Variants in DNAH9 observed in about 807,000 individuals in gnomAD.
The protein encoded by DNAH9 is dynein axonemal heavy chain 9.
DNAH9 carries 345 observed loss-of-function variants against 471.6 expected under a neutral mutation model. The ratio of observed to expected loss-of-function variants is 0.73; its 90% CI spans 0.67 to 0.80. DNAH9 has a LOEUF of 0.80. Among genes scored for constraint, DNAH9 ranks in the 30% least tolerant of loss-of-function variants. The probability of loss-of-function intolerance (pLI) is 0.00; values close to 1 mark genes in which losing one functional copy is unlikely to be tolerated. For synonymous variants in DNAH9, 2,093 were observed against 2,123.6 expected, an observed-to-expected ratio of 0.99 and a Z score of 0.40; for missense variants, 5,407 against 5,609.2, an observed-to-expected ratio of 0.96 and a Z score of 1.15.
At chr17:11,901,182 A>C (rs1484053191) in intron 59 of DNAH9, among the ~76,000 whole-genome samples, 1 of 152,146 alleles carries the variant, frequency 6.6e-6, no homozygotes, top group Non-Finnish European at 1.5e-5. Flanking sequence ...TGCCTGGTAC[A>C]ACTTCCCTCC....
chr17:11,790,441 G>A (rs1969024334), intron 41 of DNAH9, among the ~76,000 whole-genome samples: 1 of 151,854 alleles, frequency 6.6e-6, no homozygotes, highest in African/African-American at 2.4e-5. Context: ...CTCTAAAAAC[G>A]ATGTTTGCTT....
rs542637636 is a variant in DNAH9 at position 11,823,697 on chromosome 17, C to T, written c.9246+663C>T. 1.4e-4 allele frequency among the ~76,000 whole-genome samples: 21 copies of T among 152,150 alleles called. No homozygotes were observed. In the East Asian group the frequency reaches 3.3e-3, roughly 24 times the overall value. ...CTGTAATCCCAGCACTGTGGGAGGT[C>T]GAGGCTGGTGGATCACGAGGTCAGG... On this transcript the variant is annotated intron_variant, in intron 48 of 68. Transcript: ENST00000262442.
At chr17:11,613,327 A>T (rs1454317067) in intron 4 of DNAH9, among the ~76,000 whole-genome samples, 6 of 152,178 alleles carry the variant, frequency 3.9e-5, no homozygotes, top group Non-Finnish European at 8.8e-5. Flanking sequence ...TTTTAAAAAA[A>T]ATATGTTAAA....
intron 48 of DNAH9, 104 bp from the exon 49 acceptor site, chr17:11,834,534 C>G: frequency 7.3e-7 from 1 of 1,375,816 alleles, no homozygotes; most frequent in Non-Finnish European, 1.0e-6. Flanking sequence ...TTCTGCTCCA[C>G]AGAGTTGGGT....
Position 11,850,196 on chromosome 17 carries a change from C to T in DNAH9, c.9508-3807C>T, listed in dbSNP as rs188778717. ...GGTGGGAGGAGGCAGAGGTGGTAGG[C>T]CTTCTTAGGAAGGAGACGTCTGAGA... On this transcript the variant is annotated intron_variant, in intron 49 of 68. Coordinates refer to ENST00000262442, the MANE Select transcript of DNAH9 (RefSeq NM_001372.4). Among the ~76,000 whole-genome samples, 20 of 152,214 alleles carry T rather than the reference C, an allele frequency of 1.3e-4. 1 individual carries two copies. The highest frequency in any genetic ancestry group is 6.5e-4 in the Admixed American group (10 of 15,274).
At chr17:11,708,400 G>C (rs1242101145) in intron 26 of DNAH9, among the ~76,000 whole-genome samples, 1 of 152,116 alleles carries the variant, frequency 6.6e-6, no homozygotes, top group Non-Finnish European at 1.5e-5. Context: ...TCTGTGTTTT[G>C]CTCTTAGCTG....
chr17:11,871,740 AG>A lies in DNAH9; in HGVS notation c.10197del (p.Ser3400AlafsTer11). 6.2e-7 allele frequency: 1 copy of A among 1,614,246 alleles called. No individual in the cohort carries two copies. Among genetic ancestry groups the A allele is most frequent in the Non-Finnish European group, 8.5e-7 (1 of 1,180,040 alleles). On this transcript the variant is annotated frameshift_variant, in exon 52 of 69. Coordinates refer to ENST00000262442, the MANE Select transcript of DNAH9 (RefSeq NM_001372.4). LOFTEE classifies it high-confidence loss of function. ...GGCTTCTTCACAAAGAAATACCGGC[AG>A]AGCCTCCTGGACAGAACTTGGAGGC... ...YLGFFTKKYRQSLLDRTWRPY... is the reference protein window; with the variant it reads ...YLGFFTKKYRXSLLDRTWRPY...
rs755920220 is a variant in DNAH9, at chr17:11,894,508, C to T, written c.11406+12C>T. 5 of 1,608,114 alleles carry T rather than the reference C, an allele frequency of 3.1e-6. No homozygotes were observed. The highest frequency in any genetic ancestry group is 1.1e-5 in the South Asian group (1 of 90,958). On this transcript the variant is annotated intron_variant, in intron 59 of 68. Coordinates refer to ENST00000262442, the MANE Select transcript of DNAH9 (RefSeq NM_001372.4). ...GGGGAGCTGTCAAGGTCAGTATTGA[C>T]CCCTAGAAAAAAGCCAAGCTCTCAT...
intron 27 of DNAH9, among the ~76,000 whole-genome samples, chr17:11,727,284 C>G (rs1302037896): frequency 6.6e-6 from 1 of 152,048 alleles, no homozygotes; most frequent in Non-Finnish European, 1.5e-5. Flanking sequence ...CTTCCCTGCT[C>G]TCATTTGAAA....
rs200475331 is a variant in DNAH9 at position 11,951,922 on chromosome 17, CAA to C, written c.12843+9453_12843+9454del. Among the ~76,000 whole-genome samples the C allele has an allele frequency of 2.0e-3, 223 of 109,190 alleles. 1 individual carries two copies. The highest frequency in any genetic ancestry group is 2.6e-3 in the Non-Finnish European group (134 of 52,212). The allele number at this position is 109,190 out of a possible 152,430, so 71.6% of individuals were successfully genotyped here. A position where few individuals can be genotyped will look rare whatever the true frequency, so the allele number is the denominator to read the frequency against. On this transcript the variant is annotated intron_variant, in intron 67 of 68. Transcript: ENST00000262442. Reference sequence around the variant, plus strand: ...TGGGTGACACAGCAAAACTCCATCTCAAAAAAAAAAAAAAAAATTAATTAAAA... The same window carrying C: ...TGGGTGACACAGCAAAACTCCATCTCAAAAAAAAAAAAAAATTAATTAAAA...
intron 3 of DNAH9, among the ~76,000 whole-genome samples, chr17:11,611,232 C>G (rs1233290488): frequency 6.6e-6 from 1 of 152,230 alleles, no homozygotes. Flanking sequence ...GCCTGTAGGG[C>G]TCCAGCCTTT....
chr17:11,881,856 G>A (rs1972735167), intron 55 of DNAH9, among the ~76,000 whole-genome samples: 1 of 151,902 alleles, frequency 6.6e-6, no homozygotes, highest in Non-Finnish European at 1.5e-5. Context: ...AGGTTGCAGT[G>A]AGCCAAGATC....
chr17:11,629,725 G>C, intron 7 of DNAH9, 141 bp downstream of exon 7: 1 of 664,732 alleles, frequency 1.5e-6, no homozygotes, highest in Non-Finnish European at 2.5e-6. Flanking sequence ...ATTATCCTTT[G>C]TGTTAGGAGA....
intron 34 of DNAH9, 118 bp from the exon 35 acceptor site, chr17:11,757,427 C>T: frequency 1.0e-6 from 1 of 988,804 alleles, no homozygotes; most frequent in African/African-American, 1.6e-5. Context: ...GCCAAATCTC[C>T]TTTTCTTTTC....
chr17:11,850,355 G>A (rs1193497512), intron 49 of DNAH9, among the ~76,000 whole-genome samples: 1 of 152,164 alleles, frequency 6.6e-6, no homozygotes, highest in Non-Finnish European at 1.5e-5. Context: ...CTTCTGAGAA[G>A]TGTTTCTCCC....
chr17:11,915,682 A>C (rs1973928228), intron 61 of DNAH9, among the ~76,000 whole-genome samples: 1 of 152,168 alleles, frequency 6.6e-6, no homozygotes, highest in South Asian at 2.1e-4. Flanking sequence ...TTCCTAACCT[A>C]GGACATTGGC....
intron 5 of DNAH9, among the ~76,000 whole-genome samples, 179 bp from the exon 6 acceptor site, chr17:11,619,369 A>C (rs2072807410): frequency 1.3e-5 from 2 of 152,196 alleles, no homozygotes; most frequent in South Asian, 4.1e-4. Flanking sequence ...TCAGTGACTA[A>C]GACTATTTGG....
intron 68 of DNAH9, among the ~76,000 whole-genome samples, chr17:11,966,800 C>G (rs2151457868): frequency 6.6e-6 from 1 of 151,850 alleles, no homozygotes; most frequent in Middle Eastern, 3.4e-3. Context: ...GTGGCTCAAG[C>G]CTGTAATCCC....
intron 49 of DNAH9, among the ~76,000 whole-genome samples, chr17:11,839,491 G>T (rs867267003): frequency 1.3e-5 from 2 of 151,678 alleles, no homozygotes; most frequent in African/African-American, 4.8e-5. Flanking sequence ...ACTCCAGCCT[G>T]GGCAACAGAG....
Sources: gnomAD v4.1 joint callset for allele counts (sites outside exome capture counted in the v4.1 genomes callset) on GRCh38, gnomAD v4.1.1 for gene constraint, MANE v1.5 for transcripts, NCBI Gene and HGNC (gene_info 2026-07-23, HGNC 2026-07-21) for gene names.